Variants in ABHD2 observed in about 807,000 individuals in gnomAD.
The protein encoded by ABHD2 is abhydrolase domain containing 2, acylglycerol lipase, also known as monoacylglycerol lipase ABHD2.
Under a neutral mutation model 48.1 loss-of-function variants are expected in ABHD2, and 20 were observed. That is an observed-to-expected ratio of 0.42 (90% CI 0.29 to 0.60). ABHD2 has a LOEUF of 0.60. Among genes scored for constraint, ABHD2 ranks in the 20% least tolerant of loss-of-function variants. ABHD2 has a pLI of 0.24. For synonymous variants in ABHD2, 209 were observed against 214.2 expected, an observed-to-expected ratio of 0.98 and a Z score of 0.21; for missense variants, 405 against 550.9, an observed-to-expected ratio of 0.74 and a Z score of 2.65.
the ABHD2 span, among the ~76,000 whole-genome samples, chr15:89,068,196 G>GCGCA: frequency 6.7e-6 from 1 of 149,690 alleles, no homozygotes; most frequent in Non-Finnish European, 1.5e-5. Context: ...ATGTGCGCGT[G>GCGCA]CACACACACA....
chr15:89,190,979 A>G, intron 8 of ABHD2, 101 bp from the exon 9 acceptor site: 1 of 1,139,938 alleles, frequency 8.8e-7, no homozygotes, highest in South Asian at 1.4e-5. Context: ...CCAATGCCAC[A>G]AGTTAGCGTG....
Position 89,195,076 on chromosome 15 carries a change from T to A in ABHD2, c.1082-151T>A. ...TGCCACTGTCTTGCCTGCCCCCTCT[T>A]TGGTGAACAAGGCAGAGTGAGTAGA... is the stretch of plus-strand genomic sequence containing the variant. On this transcript the variant is annotated intron_variant, in intron 10 of 10. Coordinates refer to ENST00000352732, the MANE Select transcript of ABHD2 (RefSeq NM_152924.5). This position sits in a 1 kb window ranked among gnomAD's most constrained non-coding sequence, Gnocchi z 5.1. The A allele has an allele frequency of 1.2e-6, 1 of 817,624 alleles. No homozygotes were observed. Among genetic ancestry groups the A allele is most frequent in the Non-Finnish European group, 1.9e-6 (1 of 529,520 alleles). 50.6% of individuals were successfully genotyped at this position (817,624 alleles called of 1,614,324 possible).
chr15:89,116,288 C>G lies in ABHD2; in HGVS notation c.-6-34C>G, dbSNP rs1157287669. The G allele has an allele frequency of 6.3e-7, 1 of 1,589,978 alleles. No homozygotes were observed. Among genetic ancestry groups the G allele is most frequent in the Non-Finnish European group, 8.6e-7 (1 of 1,165,104 alleles). On this transcript the variant is annotated intron_variant, in intron 2 of 10. Transcript: ENST00000352732. This position sits in a 1 kb window ranked among gnomAD's most constrained non-coding sequence, Gnocchi z 4.6. ...GTGGGCACCACCCGTCCTCACTGTGCTTGTAAACTTAGACCTGTGCCTCTG... is the reference window on the plus strand; with the variant it reads ...GTGGGCACCACCCGTCCTCACTGTGGTTGTAAACTTAGACCTGTGCCTCTG...
intron 3 of ABHD2, among the ~76,000 whole-genome samples, chr15:89,149,393 C>T (rs2050554177): frequency 6.6e-6 from 1 of 152,154 alleles, no homozygotes; most frequent in African/African-American, 2.4e-5. Context: ...ATTTTAAAAA[C>T]ATATATTTGT....
chr15:89,152,265 G>A (rs1331837545), intron 4 of ABHD2, among the ~76,000 whole-genome samples: 1 of 151,974 alleles, frequency 6.6e-6, no homozygotes, highest in African/African-American at 2.4e-5. Context: ...ATTTTTAGTA[G>A]AGACGGGTTT....
intron 3 of ABHD2, among the ~76,000 whole-genome samples, chr15:89,148,020 G>A (rs755667402): frequency 6.7e-5 from 10 of 148,604 alleles, no homozygotes; most frequent in Non-Finnish European, 1.2e-4. Flanking sequence ...TAGGGAGGCT[G>A]AGGCAAGAGA....
chr15:89,156,721 G>GA (rs77163184), intron 5 of ABHD2, among the ~76,000 whole-genome samples: 58,306 of 144,410 alleles, frequency 0.4, 12,059 homozygotes, highest in East Asian at 0.78. Flanking sequence ...GACTCTGTCT[G>GA]AAAAAAAAAA....
At position 89,166,167 on chromosome 15, in the gene ABHD2, G is replaced by A. The variant is rs1366685393; in HGVS notation, c.539-9645G>A. Among the ~76,000 whole-genome samples, 1 of 152,194 alleles carries A rather than the reference G, an allele frequency of 6.6e-6. No individual in the cohort carries two copies. Among genetic ancestry groups the A allele is most frequent in the African/African-American group, 2.4e-5 (1 of 41,444 alleles). On this transcript the variant is annotated intron_variant, in intron 5 of 10. Transcript: ENST00000352732. The surrounding 1 kb of genome is among the most constrained non-coding windows in gnomAD (Gnocchi z 4.6). ...CAATATCTTCTATGTCAAGTGAAAGGAATAAAAATAACCTGGCTCTGGCTC... is the reference window on the plus strand; with the variant it reads ...CAATATCTTCTATGTCAAGTGAAAGAAATAAAAATAACCTGGCTCTGGCTC...
intron 3 of ABHD2, among the ~76,000 whole-genome samples, chr15:89,138,163 C>G (rs1163124345): frequency 6.6e-6 from 1 of 152,250 alleles, no homozygotes; most frequent in African/African-American, 2.4e-5. Context: ...AAAGAACTGA[C>G]AAAATGTTCT....
At chr15:89,135,839 G>C in intron 3 of ABHD2, 1 of 751,922 alleles carries the variant, frequency 1.3e-6, no homozygotes, top group South Asian at 1.4e-5. Flanking sequence ...TTGATATTTG[G>C]GCGATACTCA....
Position 89,195,598 on chromosome 15 carries a change from G to A in ABHD2, c.*175G>A. ...TAGGCAGCTCTTCCTGGGAGCTCCAGGCTATTTTTGTGCTTAGTTACTGGT... is the reference window on the plus strand; with the variant it reads ...TAGGCAGCTCTTCCTGGGAGCTCCAAGCTATTTTTGTGCTTAGTTACTGGT... On this transcript the variant is annotated 3_prime_UTR_variant, in exon 11 of 11. Transcript: ENST00000352732. This position sits in a 1 kb window ranked among gnomAD's most constrained non-coding sequence, Gnocchi z 5.1. 1.6e-6 allele frequency: 1 copy of A among 626,842 alleles called. No individual in the cohort carries two copies. The highest frequency in any genetic ancestry group is 2.6e-6 in the Non-Finnish European group (1 of 380,206). 38.8% of individuals were successfully genotyped at this position (626,842 alleles called of 1,614,324 possible).
Position 89,176,570 on chromosome 15 carries a change from C to T in ABHD2, c.722+575C>T, listed in dbSNP as rs2051016894. ...CCCTTAGTCTCTTGCCAGTAGATGC[C>T]CCACAGGATGAGTCCCAGGAGGGCG... On this transcript the variant is annotated intron_variant, in intron 6 of 10. Coordinates refer to ENST00000352732, the MANE Select transcript of ABHD2 (RefSeq NM_152924.5). The surrounding 1 kb of genome is among the most constrained non-coding windows in gnomAD (Gnocchi z 4.5). Among the ~76,000 whole-genome samples the T allele has an allele frequency of 6.6e-6, 1 of 152,104 alleles. No homozygotes were observed. The highest frequency in any genetic ancestry group is 1.5e-5 in the Non-Finnish European group (1 of 68,016).
the ABHD2 span, among the ~76,000 whole-genome samples, chr15:89,059,975 G>C: frequency 7.2e-5 from 11 of 151,894 alleles, no homozygotes; most frequent in Admixed American, 7.2e-4. Flanking sequence ...AGGTCTTCCA[G>C]GCATTTATGC....
In ABHD2 at chr15:89,200,906, AC is replaced by A. The variant is rs2051460006; in HGVS notation, c.*5487del. On this transcript the variant is annotated 3_prime_UTR_variant, in exon 11 of 11. Transcript: ENST00000352732. ...AGACCAGCCTGGCCAACATGGTGAA[AC>A]CCCTTCTCTACTAAAAATGCAAAAA... 6 of 412,226 alleles carry A rather than the reference AC, an allele frequency of 1.5e-5. No homozygotes were observed. The highest frequency in any genetic ancestry group is 5.4e-5 in the South Asian group (2 of 37,374). 25.5% of individuals were successfully genotyped at this position (412,226 alleles called of 1,614,324 possible).
Position 89,201,559 on chromosome 15 carries a change from G to T in ABHD2, c.*6136G>T. On this transcript the variant is annotated 3_prime_UTR_variant, in exon 11 of 11. Transcript: ENST00000352732. ...TTTTCATTCGGATCATAGTCAAAGGGCTGTAGCATTACTGAAACAGTCACA... is the reference window on the plus strand; with the variant it reads ...TTTTCATTCGGATCATAGTCAAAGGTCTGTAGCATTACTGAAACAGTCACA... 2 of 1,596,828 alleles carry T rather than the reference G, an allele frequency of 1.3e-6. No individual in the cohort carries two copies. Among genetic ancestry groups the T allele is most frequent in the Non-Finnish European group, 1.7e-6 (2 of 1,164,410 alleles).
At chr15:89,041,593 G>C in the ABHD2 span, among the ~76,000 whole-genome samples, 10 of 152,228 alleles carry the variant, frequency 6.6e-5, no homozygotes, top group African/African-American at 2.4e-4. Flanking sequence ...TTGGCTGGAA[G>C]ACCTGAGCCA....
upstream of ABHD2, among the ~76,000 whole-genome samples, chr15:89,084,989 C>T (rs1901329664): frequency 1.3e-5 from 2 of 152,128 alleles, no homozygotes; most frequent in Non-Finnish European, 1.5e-5. This position sits in a 1 kb window ranked among gnomAD's most constrained non-coding sequence, Gnocchi z 4.4. Flanking sequence ...AACCATCCCC[C>T]GAGGACACAG....
At chr15:89,138,322 C>G (rs2050347876) in intron 3 of ABHD2, among the ~76,000 whole-genome samples, 1 of 152,218 alleles carries the variant, frequency 6.6e-6, no homozygotes, top group African/African-American at 2.4e-5. Context: ...GTTTCCCCCA[C>G]CACTGATGCT....
chr15:89,070,773 G>C, the ABHD2 span, among the ~76,000 whole-genome samples: 114 of 152,242 alleles, frequency 7.5e-4, 1 homozygote, highest in African/African-American at 2.3e-3. Flanking sequence ...TTGATCTATG[G>C]ACATCTTGAA....
Sources: gnomAD v4.1 joint callset for allele counts (sites outside exome capture counted in the v4.1 genomes callset) on GRCh38, gnomAD v4.1.1 for gene constraint, Gnocchi (gnomAD v3.1) non-coding constraint, MANE v1.5 for transcripts, NCBI Gene and HGNC (gene_info 2026-07-23, HGNC 2026-07-21) for gene names.